LMLN: variants seen among roughly 807,000 people sequenced by gnomAD.
LMLN encodes the protein leishmanolysin like peptidase, also known as leishmanolysin-like peptidase.
In LMLN, 70 loss-of-function variants were observed where a neutral mutation model predicts 92.3. That is an observed-to-expected ratio of 0.76 (90% confidence interval 0.63 to 0.92). LMLN has a LOEUF of 0.92. LMLN is among the 40% of genes least tolerant of loss of function. The pLI is 0.00. For missense variants in LMLN, 691 were observed against 814.6 expected, an observed-to-expected ratio of 0.85 and a Z score of 1.85; for synonymous variants, 308 against 296.2, an observed-to-expected ratio of 1.04 and a Z score of -0.41.
chr3:198,018,536 T>C (rs1722702019), intron 11 of LMLN, among the ~76,000 whole-genome samples: 1 of 152,226 alleles, frequency 6.6e-6, no homozygotes, highest in South Asian at 2.1e-4. Context: ...GCAAGTATTT[T>C]ACGTGTTTCA....
chr3:198,021,763 C>T (rs1422667220), intron 13 of LMLN, among the ~76,000 whole-genome samples, 158 bp downstream of exon 14: 1 of 152,184 alleles, frequency 6.6e-6, no homozygotes. Flanking sequence ...TAACTTTTCC[C>T]TGCCTGTTTC....
chr3:198,000,226 C>A (rs560846193), intron 11 of LMLN, among the ~76,000 whole-genome samples: 7 of 151,994 alleles, frequency 4.6e-5, no homozygotes, highest in African/African-American at 1.7e-4. Context: ...TTTTATACAA[C>A]CCCTACATAT....
chr3:198,026,490 G>T (rs190260524), intron 14 of LMLN, among the ~76,000 whole-genome samples: 127 of 150,622 alleles, frequency 8.4e-4, no homozygotes, highest in Non-Finnish European at 1.4e-3. Context: ...GCTAATTTTT[G>T]TATTTTTAGT....
At chr3:198,013,270 T>C (rs1235599985) in intron 11 of LMLN, among the ~76,000 whole-genome samples, 1 of 98,160 alleles carries the variant, frequency 1.0e-5, no homozygotes, top group Non-Finnish European at 1.9e-5. Flanking sequence ...CTAGTCTGAC[T>C]TCTCTGTACC....
chr3:198,037,096 C>T (rs912223467), intron 15 of LMLN, among the ~76,000 whole-genome samples: 3 of 152,132 alleles, frequency 2.0e-5, no homozygotes, highest in Admixed American at 6.5e-5. Context: ...TCCCCAGGAG[C>T]ACCTTAAATT....
chr3:198,008,155 G>C (rs569041941), intron 11 of LMLN, among the ~76,000 whole-genome samples: 1 of 151,940 alleles, frequency 6.6e-6, no homozygotes, highest in African/African-American at 2.4e-5. Context: ...GTGGATTTTT[G>C]TTTCTATATT....
exon 16 of LMLN, chr3:198,039,549 T>C (rs566447714): frequency 1.3e-5 from 2 of 152,158 alleles, no homozygotes; most frequent in Non-Finnish European, 2.9e-5. Flanking sequence ...CAGTGAGCTA[T>C]GATTGCACCA....
chr3:198,037,379 G>A (rs573024044), intron 15 of LMLN, among the ~76,000 whole-genome samples: 1 of 152,184 alleles, frequency 6.6e-6, no homozygotes, highest in Non-Finnish European at 1.5e-5. Context: ...CAATCATAAT[G>A]ACACAATTAA....
At chr3:197,997,758 T>C (rs1401028047) in intron 10 of LMLN, among the ~76,000 whole-genome samples, 1 of 152,252 alleles carries the variant, frequency 6.6e-6, no homozygotes, top group Admixed American at 6.5e-5. Flanking sequence ...GAATTTCACA[T>C]GAGTTCATTC....
intron 11 of LMLN, among the ~76,000 whole-genome samples, chr3:198,015,590 A>C: frequency 8.0e-6 from 1 of 125,290 alleles, no homozygotes; most frequent in African/African-American, 3.2e-5. Flanking sequence ...AGAGCCCCCT[A>C]ACTAGTCTGA....
intron 11 of LMLN, 145 bp downstream of exon 11, chr3:197,999,487 T>G (rs1383906245): frequency 1.6e-6 from 1 of 619,582 alleles, no homozygotes; most frequent in African/African-American, 1.8e-5. Flanking sequence ...AGCTGTCCGT[T>G]ATTCATACCA....
exon 16 of LMLN, chr3:198,043,406 A>G (rs1723466495): frequency 6.6e-6 from 1 of 152,600 alleles, no homozygotes; most frequent in Non-Finnish European, 1.5e-5. Flanking sequence ...TGGCAGGAGG[A>G]GACGGGCCTC....
At chr3:198,014,785 G>A (rs369426316) in intron 11 of LMLN, among the ~76,000 whole-genome samples, 24 of 125,998 alleles carry the variant, frequency 1.9e-4, no homozygotes, top group Middle Eastern at 5.6e-3. Flanking sequence ...TAACTAGTCT[G>A]ACTTCTCTCC....
At chr3:197,994,212 G>T (rs1581152939) in intron 9 of LMLN, among the ~76,000 whole-genome samples, 1 of 152,284 alleles carries the variant, frequency 6.6e-6, no homozygotes, top group Non-Finnish European at 1.5e-5. Context: ...TTTGGGCAAT[G>T]AGTTTTTGGA....
intron 11 of LMLN, among the ~76,000 whole-genome samples, chr3:198,009,072 A>G (rs1722366841): frequency 6.6e-6 from 1 of 151,664 alleles, no homozygotes; most frequent in African/African-American, 2.4e-5. Context: ...GTCTTGGTGA[A>G]TGCACCATGT....
chr3:198,029,344 C>G (rs1723016747), intron 14 of LMLN, among the ~76,000 whole-genome samples: 1 of 152,158 alleles, frequency 6.6e-6, no homozygotes, highest in South Asian at 2.1e-4. Flanking sequence ...CTTTTACATG[C>G]AAATAGTTTG....
rs1044486787 is a variant in LMLN at position 198,019,961 on chromosome 3, A to C, written c.1365+576A>C. 2.0e-5 allele frequency among the ~76,000 whole-genome samples: 3 copies of C among 152,072 alleles called. No individual in the cohort carries two copies. Among genetic ancestry groups the C allele is most frequent in the Non-Finnish European group, 4.4e-5 (3 of 68,010 alleles). On this transcript the variant is annotated intron_variant, in intron 12 of 15. Coordinates refer to ENST00000330198, the Ensembl canonical transcript of LMLN. This position sits in a 1 kb window ranked among gnomAD's most constrained non-coding sequence, Gnocchi z 5.5. ...CTGCAGCCTCCCCTTACCAGATTCAAGCGATTCTTGTGCCTCAGCCTCCCG... is the reference window on the plus strand; with the variant it reads ...CTGCAGCCTCCCCTTACCAGATTCACGCGATTCTTGTGCCTCAGCCTCCCG...
intron 11 of LMLN, among the ~76,000 whole-genome samples, chr3:198,002,395 G>A (rs113706707): frequency 0.068 from 10,303 of 152,084 alleles, 442 homozygotes; most frequent in African/African-American, 0.11. Flanking sequence ...CTCCCAGAGT[G>A]CTGGGGTTAC....
At chr3:198,010,717 C>G (rs1437679047) in intron 11 of LMLN, among the ~76,000 whole-genome samples, 2 of 152,156 alleles carry the variant, frequency 1.3e-5, no homozygotes, top group Non-Finnish European at 2.9e-5. Flanking sequence ...TCCCAAAGTG[C>G]TGGGATTATA....
Sources: gnomAD v4.1 joint callset for allele counts (sites outside exome capture counted in the v4.1 genomes callset) on GRCh38, gnomAD v4.1.1 for gene constraint, Gnocchi (gnomAD v3.1) non-coding constraint, MANE v1.5 for transcripts, NCBI Gene and HGNC (gene_info 2026-07-23, HGNC 2026-07-21) for gene names.